RPS6KA2: variants seen among roughly 807,000 people sequenced by gnomAD.
The protein encoded by RPS6KA2 is ribosomal protein S6 kinase A2, also known as ribosomal protein S6 kinase alpha-2.
In RPS6KA2, 42 loss-of-function variants were observed where a neutral mutation model predicts 91.8. That is an observed-to-expected ratio of 0.46 (90% CI 0.36 to 0.59). The LOEUF (loss-of-function observed/expected upper bound fraction) is 0.59. Ranked by LOEUF, RPS6KA2 falls within the 20% of genes least tolerant of loss-of-function variation. The probability of loss-of-function intolerance (pLI) is 0.00; values close to 1 mark genes in which losing one functional copy is unlikely to be tolerated. For missense variants in RPS6KA2, 798 were observed against 978.5 expected, an observed-to-expected ratio of 0.82 and a Z score of 2.46; for synonymous variants, 414 against 393.6, an observed-to-expected ratio of 1.05 and a Z score of -0.61.
chr6:166,840,674 G>A (rs903700862), intron 2 of RPS6KA2, among the ~76,000 whole-genome samples: 1 of 152,178 alleles, frequency 6.6e-6, no homozygotes, highest in Non-Finnish European at 1.5e-5. Context: ...ATCTCACATT[G>A]TTTAAAAAGA....
At chr6:166,479,595 G>A (rs1360137488) in intron 10 of RPS6KA2, among the ~76,000 whole-genome samples, 1 of 152,254 alleles carries the variant, frequency 6.6e-6, no homozygotes, top group African/African-American at 2.4e-5. Flanking sequence ...AAGGTGGGGC[G>A]TGTGCTAGCA....
chr6:166,469,397 T>C (rs938950958), intron 11 of RPS6KA2, among the ~76,000 whole-genome samples: 4 of 149,778 alleles, frequency 2.7e-5, no homozygotes, highest in African/African-American at 9.9e-5. Flanking sequence ...AAATGCAGTA[T>C]CGAATCTGGG....
At chr6:166,678,231 C>T (rs1429796214) in intron 2 of RPS6KA2, among the ~76,000 whole-genome samples, 6 of 152,218 alleles carry the variant, frequency 3.9e-5, no homozygotes, top group African/African-American at 1.4e-4. Context: ...CTTCCCAGCA[C>T]CCATTCTTAC....
chr6:166,668,894 TTTC>T (rs1263634474), intron 2 of RPS6KA2, among the ~76,000 whole-genome samples: 2 of 143,320 alleles, frequency 1.4e-5, no homozygotes, highest in African/African-American at 5.1e-5. Flanking sequence ...CTTTCTTTCT[TTTC>T]TTTTTTTTTT....
chr6:166,468,145 G>A (rs1780611584), intron 11 of RPS6KA2, among the ~76,000 whole-genome samples: 1 of 152,258 alleles, frequency 6.6e-6, no homozygotes, highest in Non-Finnish European at 1.5e-5. Context: ...CCAACGCAGA[G>A]TCGAATGACA....
At chr6:166,514,086 TG>T (rs1219297714) in intron 3 of RPS6KA2, among the ~76,000 whole-genome samples, 1 of 152,052 alleles carries the variant, frequency 6.6e-6, no homozygotes, top group Non-Finnish European at 1.5e-5. Context: ...TGTGGGGAGA[TG>T]TGGGAGCAAA....
intron 2 of RPS6KA2, among the ~76,000 whole-genome samples, chr6:166,790,755 G>A (rs1779061816): frequency 6.6e-6 from 1 of 152,198 alleles, no homozygotes; most frequent in African/African-American, 2.4e-5. Flanking sequence ...TTCATGTCCA[G>A]CCAAACTAAG....
In RPS6KA2 at chr6:166,859,003, CA is replaced by C. The variant is rs1212254703; in HGVS notation, c.64-745del. 6.3e-5 allele frequency among the ~76,000 whole-genome samples: 5 copies of C among 79,676 alleles called. 1 individual carries two copies. Among genetic ancestry groups the C allele is most frequent in the Non-Finnish European group, 1.9e-4 (5 of 26,120 alleles). 52.3% of individuals were successfully genotyped at this position (79,676 alleles called of 152,430 possible). On this transcript the variant is annotated intron_variant, in intron 1 of 21. Coordinates refer to the RPS6KA2 transcript ENST00000503859. The stretch of plus-strand genomic sequence containing the variant: ...CCAGCCAGCCATCAGCACCGGCTGC[CA>C]TGCAGCAGACACGGGAGAGCTCCAC...
rs553044172 is a variant in RPS6KA2 at position 166,658,879 on chromosome 6, A to G, written c.124-120095T>C. 5.1e-4 allele frequency among the ~76,000 whole-genome samples: 77 copies of G among 152,334 alleles called. 1 individual carries two copies. The highest frequency in any genetic ancestry group is 1.8e-3 in the African/African-American group (73 of 41,578). On this transcript the variant is annotated intron_variant, in intron 2 of 21. Transcript: ENST00000503859. The stretch of plus-strand genomic sequence containing the variant: ...CTCGCCCCTGCTCTGTACAAGACAC[A>G]TGGGTCAGCATGGGGTGAGGAGAGC...
At chr6:166,674,405 G>A (rs1029374385) in intron 2 of RPS6KA2, among the ~76,000 whole-genome samples, 3 of 152,234 alleles carry the variant, frequency 2.0e-5, no homozygotes, top group South Asian at 2.1e-4. Flanking sequence ...ACGCTAAACC[G>A]TGGGACTGCT....
At chr6:166,545,418 G>T (rs1340431835) in intron 1 of RPS6KA2, among the ~76,000 whole-genome samples, 1 of 152,150 alleles carries the variant, frequency 6.6e-6, no homozygotes, top group African/African-American at 2.4e-5. Flanking sequence ...TTCCTCTTTG[G>T]GGAGAAGTCT....
At chr6:166,573,610 T>A (rs1297978278) in intron 1 of RPS6KA2, among the ~76,000 whole-genome samples, 1 of 152,186 alleles carries the variant, frequency 6.6e-6, no homozygotes, top group Non-Finnish European at 1.5e-5. Flanking sequence ...CAAAGCCCCA[T>A]GGGTTTTGTC....
rs1021710917 is a variant in RPS6KA2 at position 166,418,076 on chromosome 6, C to T, written c.1938+149G>A. The T allele has an allele frequency of 1.8e-5, 11 of 620,472 alleles. No individual in the cohort carries two copies. Among genetic ancestry groups the T allele is most frequent in the African/African-American group, 5.6e-5 (3 of 53,570 alleles). The allele number at this position is 620,472 out of a possible 1,614,324, so 38.4% of individuals were successfully genotyped here. The stretch of plus-strand genomic sequence containing the variant: ...GCACTCCAGCCTGGGTGAGACAGAG[C>T]GAGACTCCATTTCAAGAAAAAAAAA... On this transcript the variant is annotated intron_variant, in intron 19 of 20. Coordinates refer to ENST00000265678, the MANE Select transcript of RPS6KA2 (RefSeq NM_021135.6). This position sits in a 1 kb window ranked among gnomAD's most constrained non-coding sequence, Gnocchi z 4.9.
intron 5 of RPS6KA2, among the ~76,000 whole-genome samples, chr6:166,505,360 C>T (rs895790614): frequency 1.3e-5 from 2 of 152,184 alleles, no homozygotes; most frequent in African/African-American, 4.8e-5. Flanking sequence ...GGCCTCGGAG[C>T]CCAACAGACT....
intron 2 of RPS6KA2, among the ~76,000 whole-genome samples, chr6:166,750,974 T>C (rs541058524): frequency 4.0e-5 from 6 of 151,848 alleles, no homozygotes; most frequent in Admixed American, 1.3e-4. Flanking sequence ...TAAACAGAGG[T>C]GAGGCTGCTG....
chr6:166,711,019 G>A lies in RPS6KA2; in HGVS notation c.123+147181C>T, dbSNP rs555332593. Among the ~76,000 whole-genome samples, 26 of 152,216 alleles carry A rather than the reference G, an allele frequency of 1.7e-4. No individual in the cohort carries two copies. In the South Asian group the frequency reaches 4.8e-3, roughly 28 times the overall value. ...ACCCATGCCAGTAAAGGCTGTGTGG[G>A]TGGCCTAGAATTCCACCCTCATTAG... On this transcript the variant is annotated intron_variant, in intron 2 of 21. Coordinates refer to the RPS6KA2 transcript ENST00000503859.
intron 2 of RPS6KA2, among the ~76,000 whole-genome samples, chr6:166,839,600 G>A (rs561572690): frequency 5.4e-4 from 79 of 145,166 alleles, no homozygotes; most frequent in African/African-American, 1.9e-3. Flanking sequence ...CTTTGGAATA[G>A]TATGGTTCAC....
chr6:166,620,784 C>T (rs1249667622), intron 1 of RPS6KA2, among the ~76,000 whole-genome samples: 1 of 152,200 alleles, frequency 6.6e-6, no homozygotes, highest in African/African-American at 2.4e-5. Context: ...TGCAGATAAC[C>T]CTTATTACAG....
intron 2 of RPS6KA2, among the ~76,000 whole-genome samples, chr6:166,800,149 T>C (rs1313392056): frequency 6.6e-6 from 1 of 152,216 alleles, no homozygotes; most frequent in Admixed American, 6.5e-5. Flanking sequence ...TCAGGAGTTC[T>C]AGAAAAATAT....
Sources: gnomAD v4.1 joint callset for allele counts (sites outside exome capture counted in the v4.1 genomes callset) on GRCh38, gnomAD v4.1.1 for gene constraint, Gnocchi (gnomAD v3.1) non-coding constraint, MANE v1.5 for transcripts, NCBI Gene and HGNC (gene_info 2026-07-23, HGNC 2026-07-21) for gene names.